Variants in NFE2L3 observed in about 807,000 individuals in gnomAD.
The protein encoded by NFE2L3 is NFE2 like bZIP transcription factor 3.
In NFE2L3, 18 loss-of-function variants were observed where a neutral mutation model predicts 23.5. The observed-to-expected ratio is 0.77, with a 90% CI of 0.53 to 1.13. NFE2L3 has a LOEUF of 1.13. NFE2L3 is among the 50% of genes most tolerant of loss of function. The pLI is 0.00. For missense variants in NFE2L3, 1,152 were observed against 877.2 expected (o/e 1.31, Z -3.96); for synonymous variants, 424 against 354.5 (o/e 1.20, Z -2.20).
intron 1 of NFE2L3, among the ~76,000 whole-genome samples, chr7:26,160,591 G>A (rs765381197): frequency 6.6e-6 from 1 of 152,240 alleles, no homozygotes; most frequent in African/African-American, 2.4e-5. Context: ...CGCAGGAGCT[G>A]CAATGCTACA....
Position 26,185,898 on chromosome 7 carries a change from G to C in NFE2L3, c.*115G>C. The C allele has an allele frequency of 1.2e-6, 1 of 848,498 alleles. No individual in the cohort carries two copies. The highest frequency in any genetic ancestry group is 1.8e-6 in the Non-Finnish European group (1 of 561,594). The allele number at this position is 848,498 out of a possible 1,614,324, so 52.6% of individuals were successfully genotyped here. On this transcript the variant is annotated 3_prime_UTR_variant, in exon 4 of 4. Transcript: ENST00000056233. ...ATTGTATCTTTAAGTACTGCTACTTGAATAACTCAGTTAACGCTGTTTTGA... is the reference window on the plus strand; with the variant it reads ...ATTGTATCTTTAAGTACTGCTACTTCAATAACTCAGTTAACGCTGTTTTGA...
At chr7:26,180,436 G>A (rs891358127) in intron 2 of NFE2L3, among the ~76,000 whole-genome samples, 6 of 152,040 alleles carry the variant, frequency 3.9e-5, no homozygotes, top group African/African-American at 1.4e-4. Context: ...TGCATTGTAT[G>A]GTTTTACCAC....
At chr7:26,184,502 A>G (rs764520613) in intron 3 of NFE2L3, 31 bp from the exon 4 acceptor site, 6 of 1,573,062 alleles carry the variant, frequency 3.8e-6, no homozygotes, top group South Asian at 2.4e-5. Flanking sequence ...AGGGCTATTC[A>G]TGTTTGAAGT....
chr7:26,156,518 A>C (rs1161739094), intron 1 of NFE2L3, among the ~76,000 whole-genome samples: 1 of 152,108 alleles, frequency 6.6e-6, no homozygotes, highest in Non-Finnish European at 1.5e-5. Context: ...CTGAAAACTG[A>C]CTCTGGAATT....
chr7:26,161,515 C>T (rs1188074070), intron 1 of NFE2L3, among the ~76,000 whole-genome samples: 2 of 151,862 alleles, frequency 1.3e-5, no homozygotes, highest in Non-Finnish European at 2.9e-5. Context: ...TTTCCAGACC[C>T]CCAGGTGGTT....
At chr7:26,161,335 CTTTTTTTTTTTTT>C (rs914055111) in intron 1 of NFE2L3, among the ~76,000 whole-genome samples, 8 of 69,576 alleles carry the variant, frequency 1.1e-4, no homozygotes, top group Admixed American at 6.3e-4. Flanking sequence ...GCTTCTCTCT[CTTTTTTTTTTTTT>C]TTTTTTTTTT....
chr7:26,181,717 CTAAATCAGTGTTTAAAT>C (rs1253405168), intron 2 of NFE2L3, among the ~76,000 whole-genome samples: 2 of 152,084 alleles, frequency 1.3e-5, no homozygotes, highest in Non-Finnish European at 2.9e-5. Context: ...GAAAAAGACT[CTAAATCAGTGTTTAAAT>C]TGTTCATAGG....
chr7:26,170,647 A>G (rs1056857767), intron 1 of NFE2L3, among the ~76,000 whole-genome samples: 1 of 152,248 alleles, frequency 6.6e-6, no homozygotes, highest in African/African-American at 2.4e-5. Flanking sequence ...CCTGGCACAG[A>G]CAGAATTCAA....
At chr7:26,167,792 C>T (rs1426344310) in intron 1 of NFE2L3, among the ~76,000 whole-genome samples, 3 of 152,038 alleles carry the variant, frequency 2.0e-5, no homozygotes, top group Admixed American at 6.5e-5. Flanking sequence ...TCTTGAAATC[C>T]GGATTGAGTT....
intron 1 of NFE2L3, among the ~76,000 whole-genome samples, chr7:26,157,865 G>A (rs1227573659): frequency 6.6e-6 from 1 of 152,110 alleles, no homozygotes; most frequent in African/African-American, 2.4e-5. Context: ...GCCCTTCTGC[G>A]GGCTGTGAGG....
chr7:26,177,917 T>C (rs1390119645), intron 1 of NFE2L3, 26 bp from the exon 2 acceptor site: 47 of 1,597,274 alleles, frequency 2.9e-5, no homozygotes, highest in Non-Finnish European at 4.0e-5. Flanking sequence ...TGTTTGCTTA[T>C]TTGATGAAAT....
chr7:26,178,768 C>T (rs766716131), intron 2 of NFE2L3, among the ~76,000 whole-genome samples: 6 of 152,196 alleles, frequency 3.9e-5, no homozygotes, highest in Non-Finnish European at 8.8e-5. Context: ...TTCTCTTCAG[C>T]CCTGCTGAGG....
Position 26,185,167 on chromosome 7 carries a change from C to G in NFE2L3, c.1469C>G (p.Thr490Arg). ...GATTCTGATTTCCATGGAGATCTTA[C>G]ATTTCAACACGTATTTCATAACCAC... Reference protein sequence around the residue: ...QSDSDFHGDLTFQHVFHNHTY... With the variant: ...QSDSDFHGDLRFQHVFHNHTY... Residue 490 changes from threonine to arginine, a missense_variant, in exon 4 of 4, where the codon ACA becomes AGA. Coordinates refer to ENST00000056233, the MANE Select transcript of NFE2L3 (RefSeq NM_004289.7). 1 of 1,613,876 alleles carries G rather than the reference C, an allele frequency of 6.2e-7. No individual in the cohort carries two copies. The highest frequency in any genetic ancestry group is 1.1e-5 in the South Asian group (1 of 91,074).
At position 26,185,107 on chromosome 7, in the gene NFE2L3, C is replaced by T. The variant is rs764048524; in HGVS notation, c.1409C>T (p.Pro470Leu). 9 of 1,613,776 alleles carry T rather than the reference C, an allele frequency of 5.6e-6. No individual in the cohort carries two copies. The highest frequency in any genetic ancestry group is 3.3e-5 in the Admixed American group (2 of 60,002). The change falls in exon 4 of 4, where the codon CCA (proline) becomes CTA (leucine). Residue 470 changes from proline (P) to leucine (L), a missense_variant. Transcript: ENST00000056233. Reference sequence around the variant, plus strand: ...GAAGGTGCTGTAGGTGGCTACTACCCAGAACCCAGTAAGCTTTGTCACTTG... The same window carrying T: ...GAAGGTGCTGTAGGTGGCTACTACCTAGAACCCAGTAAGCTTTGTCACTTG... ...DLEGAVGGYYPEPSKLCHLDQ... is the reference protein window; with the variant it reads ...DLEGAVGGYYLEPSKLCHLDQ...
At chr7:26,172,776 T>C (rs913033871) in intron 1 of NFE2L3, among the ~76,000 whole-genome samples, 5 of 152,218 alleles carry the variant, frequency 3.3e-5, no homozygotes, top group Non-Finnish European at 7.3e-5. Flanking sequence ...ACCACGATGT[T>C]GGTTTAACTT....
intron 1 of NFE2L3, among the ~76,000 whole-genome samples, chr7:26,162,975 G>A (rs191315336): frequency 3.3e-5 from 5 of 152,224 alleles, no homozygotes; most frequent in African/African-American, 1.2e-4. Context: ...GCCTCCCAAA[G>A]TGCTGGGATT....
chr7:26,172,003 T>C (rs56287413), intron 1 of NFE2L3, among the ~76,000 whole-genome samples: 4,343 of 152,344 alleles, frequency 0.029, 78 homozygotes, highest in Middle Eastern at 0.051. Flanking sequence ...TGGTGAAGCA[T>C]TCTCATTAAA....
chr7:26,178,226 A>C (rs1010008988), intron 2 of NFE2L3, 104 bp downstream of exon 2: 7 of 883,164 alleles, frequency 7.9e-6, no homozygotes, highest in Non-Finnish European at 1.0e-5. Context: ...AGTATGCTCT[A>C]CTATTAACAA....
intron 1 of NFE2L3, among the ~76,000 whole-genome samples, chr7:26,168,950 CCAATGTTACCCAGCTACTGGGT>C (rs1784295874): frequency 6.6e-6 from 1 of 152,076 alleles, no homozygotes; most frequent in Non-Finnish European, 1.5e-5. Context: ...AGCAACTGGC[CCAATGTTACCCAGCTACTGGGT>C]AGGATAGGTC....
Sources: allele counts gnomAD v4.1 joint callset (sites outside exome capture counted in the v4.1 genomes callset), GRCh38; gene constraint gnomAD v4.1.1; transcripts MANE v1.5; gene names NCBI Gene and HGNC (gene_info 2026-07-23, HGNC 2026-07-21).